Variants in ARNT2 observed in about 807,000 individuals in gnomAD.
ARNT2 encodes ARNT protein 2.
ARNT2 carries 36 observed loss-of-function variants against 91.7 expected under a neutral mutation model. The ratio of observed to expected loss-of-function variants is 0.39; its 90% CI spans 0.30 to 0.52. The LOEUF (loss-of-function observed/expected upper bound fraction) is 0.52, where lower values mean the gene tolerates loss of function less well. Ranked by LOEUF, ARNT2 falls within the 20% of genes least tolerant of loss-of-function variation. The probability of loss-of-function intolerance (pLI) is 0.72; values close to 1 mark genes in which losing one functional copy is unlikely to be tolerated. For missense variants in ARNT2, 775 were observed against 939.3 expected (o/e 0.83, Z 2.29); for synonymous variants, 365 against 347.1 (o/e 1.05, Z -0.57).
intron 12 of ARNT2, among the ~76,000 whole-genome samples, chr15:80,568,085 A>C (rs1468504488): frequency 2.0e-5 from 3 of 152,194 alleles, no homozygotes; most frequent in Non-Finnish European, 4.4e-5. Flanking sequence ...CATTTGTGTA[A>C]AGCCACTACA....
intron 15 of ARNT2, 159 bp from the exon 16 acceptor site, chr15:80,580,252 C>A: frequency 3.2e-6 from 3 of 939,924 alleles, no homozygotes; most frequent in Non-Finnish European, 5.0e-6. Context: ...GGCCAAGGGG[C>A]TTTGAGGCTC....
At position 80,569,333 on chromosome 15, in the gene ARNT2, C is replaced by G. The variant is rs186748806; in HGVS notation, c.1317-4815C>G. ...GTAGCCCAGCTAATGGAGGGCAGCA[C>G]TGGCTGTGGTAGGAACCCACTTCCC... On this transcript the variant is annotated intron_variant, in intron 12 of 18. Coordinates refer to ENST00000303329, the MANE Select transcript of ARNT2 (RefSeq NM_014862.4). Among the ~76,000 whole-genome samples the G allele has an allele frequency of 2.0e-5, 3 of 152,376 alleles. No homozygotes were observed. In the East Asian group the frequency reaches 5.8e-4, roughly 29 times the overall value.
chr15:80,436,827 C>G (rs1366595429), intron 1 of ARNT2, among the ~76,000 whole-genome samples: 1 of 152,198 alleles, frequency 6.6e-6, no homozygotes, highest in Non-Finnish European at 1.5e-5. Flanking sequence ...ATTGAGAAGG[C>G]CAGGGTATCT....
chr15:80,563,554 C>A (rs560354971), intron 12 of ARNT2, among the ~76,000 whole-genome samples: 1 of 152,214 alleles, frequency 6.6e-6, no homozygotes, highest in Non-Finnish European at 1.5e-5. Flanking sequence ...CCAACTGGAG[C>A]TCTGCTGGGC....
intron 1 of ARNT2, among the ~76,000 whole-genome samples, chr15:80,445,851 C>T (rs1896292817): frequency 1.3e-5 from 2 of 152,030 alleles, no homozygotes; most frequent in Non-Finnish European, 2.9e-5. Context: ...GATCGTGTTA[C>T]GAGTGGGGTG....
intron 1 of ARNT2, among the ~76,000 whole-genome samples, chr15:80,418,827 T>A (rs1034364285): frequency 5.9e-5 from 9 of 152,340 alleles, no homozygotes; most frequent in Admixed American, 5.9e-4. Flanking sequence ...ATGGACAGAC[T>A]AGGAGTTAGG....
chr15:80,443,578 G>A (rs1035732118), intron 1 of ARNT2, among the ~76,000 whole-genome samples: 2 of 152,156 alleles, frequency 1.3e-5, no homozygotes, highest in African/African-American at 4.8e-5. Flanking sequence ...CCAGGCACCT[G>A]GATGAGTTCA....
chr15:80,503,578 T>G lies in ARNT2; in HGVS notation c.623-4578T>G, dbSNP rs532908230. On this transcript the variant is annotated intron_variant, in intron 5 of 18. Coordinates refer to ENST00000303329, the MANE Select transcript of ARNT2 (RefSeq NM_014862.4). Reference sequence around the variant, plus strand: ...GCACACTTTGGAATCTGCCAGACCCTCATGCTGGCCTGCTTCACAGCTGAA... The same window carrying G: ...GCACACTTTGGAATCTGCCAGACCCGCATGCTGGCCTGCTTCACAGCTGAA... Among the ~76,000 whole-genome samples the G allele has an allele frequency of 2.0e-5, 3 of 152,346 alleles. No individual in the cohort carries two copies. The South Asian group carries it at 6.2e-4, about 32-fold the overall frequency.
At chr15:80,570,772 C>T (rs1898569532) in intron 12 of ARNT2, among the ~76,000 whole-genome samples, 1 of 152,040 alleles carries the variant, frequency 6.6e-6, no homozygotes. Flanking sequence ...GCCTGTCTTT[C>T]CCTGGAGACT....
At position 80,431,620 on chromosome 15, in the gene ARNT2, C is replaced by T. The variant is rs1397454083; in HGVS notation, c.32-19260C>T. 2.6e-5 allele frequency among the ~76,000 whole-genome samples: 4 copies of T among 152,188 alleles called. No individual in the cohort carries two copies. In the East Asian group the frequency reaches 7.7e-4, roughly 29 times the overall value. ...TGGAATAGGGGTCCTTACAGACAGG[C>T]CCACCTTCCTCTCGTGATTGTCTGT... On this transcript the variant is annotated intron_variant, in intron 1 of 18. Transcript: ENST00000303329.
At chr15:80,518,610 G>A (rs1897481662) in intron 8 of ARNT2, among the ~76,000 whole-genome samples, 1 of 152,106 alleles carries the variant, frequency 6.6e-6, no homozygotes, top group Non-Finnish European at 1.5e-5. Context: ...GTCTTAAATA[G>A]AGTATGCCTT....
At chr15:80,469,385 C>T (rs1039285371) in intron 3 of ARNT2, among the ~76,000 whole-genome samples, 1 of 152,010 alleles carries the variant, frequency 6.6e-6, no homozygotes, top group Admixed American at 6.6e-5. Context: ...GGGCATAGAA[C>T]AAAGGCTTAT....
rs1490910438 is a variant in ARNT2 at position 80,595,491 on chromosome 15, C to G, written c.*1793C>G. The G allele has an allele frequency of 6.6e-6, 1 of 152,234 alleles. No individual in the cohort carries two copies. The highest frequency in any genetic ancestry group is 1.5e-5 in the Non-Finnish European group (1 of 68,066). The allele number at this position is 152,234 out of a possible 1,614,324, so 9.4% of individuals were successfully genotyped here. On this transcript the variant is annotated 3_prime_UTR_variant, in exon 19 of 19. Coordinates refer to ENST00000303329, the MANE Select transcript of ARNT2 (RefSeq NM_014862.4). Reference sequence around the variant, plus strand: ...TGTTTGCTGTGATCCATTGAAAGCTCCACATTAAACCCCAGCCCTGTCTGG... The same window carrying G: ...TGTTTGCTGTGATCCATTGAAAGCTGCACATTAAACCCCAGCCCTGTCTGG...
chr15:80,444,095 C>T (rs1262551056), intron 1 of ARNT2, among the ~76,000 whole-genome samples: 2 of 152,168 alleles, frequency 1.3e-5, no homozygotes, highest in African/African-American at 2.4e-5. Flanking sequence ...GGTGAGGGTC[C>T]TGTTCTTCAC....
At chr15:80,497,729 T>C (rs1595986742) in intron 5 of ARNT2, among the ~76,000 whole-genome samples, 1 of 150,878 alleles carries the variant, frequency 6.6e-6, no homozygotes, top group African/African-American at 2.5e-5. Context: ...GACCATTAAA[T>C]AGATTTGAAA....
chr15:80,404,618 G>T lies in ARNT2; in HGVS notation c.31+72G>T. The T allele has an allele frequency of 1.0e-6, 1 of 983,754 alleles. No homozygotes were observed. The highest frequency in any genetic ancestry group is 4.7e-5 in the South Asian group (1 of 21,504). The allele number at this position is 983,754 out of a possible 1,614,324, so 60.9% of individuals were successfully genotyped here. On this transcript the variant is annotated intron_variant, in intron 1 of 18. Coordinates refer to ENST00000303329, the MANE Select transcript of ARNT2 (RefSeq NM_014862.4). This position sits in a 1 kb window ranked among gnomAD's most constrained non-coding sequence, Gnocchi z 5.5. The stretch of plus-strand genomic sequence containing the variant: ...TGCCCGGGGCCGGAGCGGACCAGGC[G>T]CGCCGGGCGCCCCCGGGGGCGCGGA...
intron 12 of ARNT2, among the ~76,000 whole-genome samples, chr15:80,566,078 T>A (rs1023613145): frequency 3.3e-5 from 5 of 152,234 alleles, no homozygotes; most frequent in Non-Finnish European, 5.9e-5. Flanking sequence ...TCTACTGTGA[T>A]AGCAGGCAGA....
At chr15:80,494,203 G>T (rs1897094501) in intron 5 of ARNT2, among the ~76,000 whole-genome samples, 3 of 152,152 alleles carry the variant, frequency 2.0e-5, no homozygotes, top group Admixed American at 1.3e-4. Context: ...GTGCTGTGCT[G>T]TTTTTTGCAG....
intron 5 of ARNT2, among the ~76,000 whole-genome samples, chr15:80,484,690 T>C (rs1194167639): frequency 6.6e-6 from 1 of 152,260 alleles, no homozygotes; most frequent in Non-Finnish European, 1.5e-5. Context: ...CACTCTTGTG[T>C]CACAGCAGAT....
Sources: gnomAD v4.1 joint callset for allele counts (sites outside exome capture counted in the v4.1 genomes callset) on GRCh38, gnomAD v4.1.1 for gene constraint, Gnocchi (gnomAD v3.1) non-coding constraint, MANE v1.5 for transcripts, NCBI Gene and HGNC (gene_info 2026-07-23, HGNC 2026-07-21) for gene names.